UQCC1: variants seen among roughly 807,000 people sequenced by gnomAD.
The protein encoded by UQCC1 is ubiquinol-cytochrome c reductase complex assembly factor 1.
UQCC1 carries 38 observed loss-of-function variants against 48.0 expected under a neutral mutation model. The ratio of observed to expected loss-of-function variants is 0.79; its 90% confidence interval spans 0.61 to 1.04. The LOEUF is 1.04. Among genes scored for constraint, UQCC1 ranks in the 50% least tolerant of loss-of-function variants. UQCC1 has a pLI of 0.00. For synonymous variants in UQCC1, 111 were observed against 129.2 expected, an observed-to-expected ratio of 0.86 and a Z score of 0.95; for missense variants, 368 against 381.8, an observed-to-expected ratio of 0.96 and a Z score of 0.30.
intron 6 of UQCC1, among the ~76,000 whole-genome samples, chr20:35,366,321 C>A (rs1002225358): frequency 2.6e-5 from 4 of 152,206 alleles, no homozygotes; most frequent in African/African-American, 9.7e-5. Flanking sequence ...TAGCATTGTT[C>A]ACTGGGTTAG....
At chr20:35,408,300 A>G (rs1486226408) in intron 1 of UQCC1, among the ~76,000 whole-genome samples, 1 of 151,852 alleles carries the variant, frequency 6.6e-6, no homozygotes, top group Non-Finnish European at 1.5e-5. Flanking sequence ...GTGTTGGCAC[A>G]CACCTGTAGT....
At chr20:35,310,660 A>AAAAAAAAAAAAC (rs2060980582) in intron 8 of UQCC1, among the ~76,000 whole-genome samples, 1 of 148,916 alleles carries the variant, frequency 6.7e-6, no homozygotes, top group Non-Finnish European at 1.5e-5. Flanking sequence ...AAAAAAAAAA[A>AAAAAAAAAAAAC]AAAAAAAATT....
chr20:35,306,621 C>A, intron 9 of UQCC1, 45 bp downstream of exon 9: 1 of 1,466,828 alleles, frequency 6.8e-7, no homozygotes, highest in Non-Finnish European at 9.6e-7. Context: ...AAGAGGAGGA[C>A]CCACTGTTGC....
intron 1 of UQCC1, among the ~76,000 whole-genome samples, chr20:35,401,425 A>T (rs1351752878): frequency 6.6e-6 from 1 of 152,178 alleles, no homozygotes; most frequent in Non-Finnish European, 1.5e-5. Context: ...CCATGAAAAG[A>T]ATACTTGTTA....
Position 35,303,601 on chromosome 20 carries a change from A to G in UQCC1, c.*334T>C. On this transcript the variant is annotated 3_prime_UTR_variant, in exon 10 of 10. Transcript: ENST00000374385. ...CCTGGGGGGTTTCCCTTTTGAACCT[A>G]CACCATCCCTTCCTTGGCCTTTGGG... The G allele has an allele frequency of 3.5e-6, 1 of 283,674 alleles. No individual in the cohort carries two copies. The highest frequency in any genetic ancestry group is 7.0e-5 in the East Asian group (1 of 14,380). 17.6% of individuals were successfully genotyped at this position (283,674 alleles called of 1,614,324 possible). A position where few individuals can be genotyped will look rare whatever the true frequency, so the allele number is the denominator to read the frequency against.
intron 7 of UQCC1, among the ~76,000 whole-genome samples, chr20:35,316,944 CTTTTT>C (rs1046630669): frequency 2.7e-5 from 4 of 146,230 alleles, no homozygotes. Flanking sequence ...GGCCCATTTC[CTTTTT>C]TTTTGAGACA....
At chr20:35,356,227 T>A (rs2061545515) in intron 6 of UQCC1, among the ~76,000 whole-genome samples, 1 of 152,174 alleles carries the variant, frequency 6.6e-6, no homozygotes, top group South Asian at 2.1e-4. Context: ...AAAAATTACA[T>A]CTGATATTGG....
intron 1 of UQCC1, 119 bp from the exon 2 acceptor site, chr20:35,394,315 A>G: frequency 1.1e-6 from 1 of 874,846 alleles, no homozygotes; most frequent in African/African-American, 1.7e-5. Context: ...CTTCATCTCT[A>G]GTTCCTGGCA....
chr20:35,336,645 TG>T (rs1373685951), intron 7 of UQCC1, among the ~76,000 whole-genome samples: 2 of 152,104 alleles, frequency 1.3e-5, no homozygotes, highest in Admixed American at 1.3e-4. Context: ...CCCATGAAAC[TG>T]ATTTCTGGCC....
chr20:35,404,570 G>A (rs1039665552), intron 1 of UQCC1, among the ~76,000 whole-genome samples: 4 of 150,334 alleles, frequency 2.7e-5, no homozygotes, highest in Non-Finnish European at 4.4e-5. Flanking sequence ...TAATGTAAAT[G>A]ATGAGTTAAT....
chr20:35,346,828 G>A, intron 7 of UQCC1: 1 of 675,736 alleles, frequency 1.5e-6, no homozygotes, highest in Non-Finnish European at 2.4e-6. Flanking sequence ...TTGAACTGGT[G>A]TCAAAGGTAT....
At chr20:35,376,691 G>A (rs1329831595) in intron 4 of UQCC1, among the ~76,000 whole-genome samples, 1 of 152,112 alleles carries the variant, frequency 6.6e-6, no homozygotes, top group Non-Finnish European at 1.5e-5. Context: ...TCAGCCAGGC[G>A]CGGTGGCTCA....
At chr20:35,389,275 T>C (rs2061984581) in intron 2 of UQCC1, among the ~76,000 whole-genome samples, 1 of 151,962 alleles carries the variant, frequency 6.6e-6, no homozygotes, top group African/African-American at 2.4e-5. Flanking sequence ...AAATAACTAA[T>C]TGGAAAATGA....
chr20:35,338,856 G>GAAAAAAAAAAA (rs1172467457), intron 7 of UQCC1, among the ~76,000 whole-genome samples: 2 of 26,846 alleles, frequency 7.4e-5, no homozygotes, highest in Non-Finnish European at 1.1e-4. Context: ...CGTCTCAAAA[G>GAAAAAAAAAAA]AAAAAAAAAA....
chr20:35,376,827 G>A (rs1360628187), intron 4 of UQCC1, among the ~76,000 whole-genome samples: 2 of 152,036 alleles, frequency 1.3e-5, no homozygotes, highest in Non-Finnish European at 2.9e-5. Flanking sequence ...GCTGGGTGTG[G>A]TGGTACGCGC....
chr20:35,363,130 T>C (rs1238917853), intron 6 of UQCC1, among the ~76,000 whole-genome samples: 1 of 152,180 alleles, frequency 6.6e-6, no homozygotes, highest in East Asian at 1.9e-4. Flanking sequence ...ATCAGATTCA[T>C]GTGTCCATTC....
chr20:35,343,943 C>T (rs2061407238), intron 7 of UQCC1, among the ~76,000 whole-genome samples: 1 of 152,162 alleles, frequency 6.6e-6, no homozygotes, highest in African/African-American at 2.4e-5. Context: ...TATGGGGCAG[C>T]ACCCTATCTA....
Position 35,381,958 on chromosome 20 carries a change from T to G in UQCC1, c.293A>C (p.Glu98Ala), listed in dbSNP as rs1259765050. Residue 98 changes from glutamate (E) to alanine (A), a missense_variant, in exon 4 of 10, where the codon GAA (glutamate) becomes GCA (alanine). By Grantham distance (107) the Glu-to-Ala change is moderately radical. Transcript: ENST00000374385. ...EKVGAFTKIIEAMGFTGPLKY... is the reference protein window; with the variant it reads ...EKVGAFTKIIAAMGFTGPLKY... ...CAAAGGTCCCGTGAATCCCATGGCT[T>G]CTATTATCTTTGTGAAAGCACCAAC... 1.2e-6 allele frequency: 2 copies of G among 1,612,768 alleles called. No homozygotes were observed. The highest frequency in any genetic ancestry group is 1.7e-6 in the Non-Finnish European group (2 of 1,179,296).
intron 4 of UQCC1, among the ~76,000 whole-genome samples, chr20:35,379,578 C>T (rs1425028984): frequency 2.0e-5 from 3 of 152,084 alleles, no homozygotes; most frequent in Non-Finnish European, 2.9e-5. Flanking sequence ...CCAAGGCAGG[C>T]GGAATCACTT....
Sources: gnomAD v4.1 joint callset for allele counts (sites outside exome capture counted in the v4.1 genomes callset) on GRCh38, gnomAD v4.1.1 for gene constraint, MANE v1.5 for transcripts, NCBI Gene and HGNC (gene_info 2026-07-23, HGNC 2026-07-21) for gene names.